Variants in PRELP observed in about 807,000 individuals in gnomAD.
PRELP encodes proline and arginine rich end leucine rich repeat protein.
In PRELP, 16 loss-of-function variants were observed where a neutral mutation model predicts 22.8. The ratio of observed to expected loss-of-function variants is 0.70; its 90% CI spans 0.47 to 1.06. The LOEUF (loss-of-function observed/expected upper bound fraction) is 1.06. Ranked by LOEUF, PRELP falls within the 50% of genes least tolerant of loss-of-function variation. The pLI is 0.00. For missense variants in PRELP, 434 were observed against 485.2 expected (o/e 0.89, Z 0.99); for synonymous variants, 233 against 211.4 (o/e 1.10, Z -0.89).
chr1:203,479,187 G>T (rs1660958292), intron 1 of PRELP, among the ~76,000 whole-genome samples: 1 of 152,086 alleles, frequency 6.6e-6, no homozygotes, highest in Non-Finnish European at 1.5e-5. Flanking sequence ...TAACCCTGCT[G>T]CTAGCCCTGC....
At chr1:203,486,057 T>A (rs538530255) in intron 2 of PRELP, among the ~76,000 whole-genome samples, 5 of 152,338 alleles carry the variant, frequency 3.3e-5, no homozygotes, top group Non-Finnish European at 5.9e-5. Flanking sequence ...ACCTACTGGC[T>A]TCAGATCTCA....
At position 203,490,362 on chromosome 1, in the gene PRELP, T is replaced by C. The variant is rs967271588; in HGVS notation, c.*3481T>C. On this transcript the variant is annotated 3_prime_UTR_variant, in exon 3 of 3. Transcript: ENST00000343110. ...GACTGCCCACCCACAGACAAAAAAA[T>C]ATATATATTCCTAAAGTCGGACCAG... 4 of 152,116 alleles carry C rather than the reference T, an allele frequency of 2.6e-5. No individual in the cohort carries two copies. The highest frequency in any genetic ancestry group is 1.9e-4 in the East Asian group (1 of 5,182). The allele number at this position is 152,116 out of a possible 1,614,324, so 9.4% of individuals were successfully genotyped here.
chr1:203,478,660 T>C (rs1660950157), intron 1 of PRELP, among the ~76,000 whole-genome samples: 1 of 152,074 alleles, frequency 6.6e-6, no homozygotes, highest in South Asian at 2.1e-4. Context: ...CAGAACAGGG[T>C]TCGCATCACT....
At chr1:203,477,584 C>T (rs1660932949) in intron 1 of PRELP, among the ~76,000 whole-genome samples, 3 of 152,104 alleles carry the variant, frequency 2.0e-5, no homozygotes. Context: ...CTTATAGGTC[C>T]CTGCTCCTCC....
rs1317110896 is a variant in PRELP, at chr1:203,490,601, T to C, written c.*3720T>C. 4 of 152,236 alleles carry C rather than the reference T, an allele frequency of 2.6e-5. No homozygotes were observed. The highest frequency in any genetic ancestry group is 9.6e-5 in the African/African-American group (4 of 41,464). The allele number at this position is 152,236 out of a possible 1,614,324, so 9.4% of individuals were successfully genotyped here. ...AGAGCCATCTCAAGGACAGAGAGCATAGACCAAGTCATCTGGAATGGTCTA... is the reference window on the plus strand; with the variant it reads ...AGAGCCATCTCAAGGACAGAGAGCACAGACCAAGTCATCTGGAATGGTCTA... On this transcript the variant is annotated 3_prime_UTR_variant, in exon 3 of 3. Coordinates refer to ENST00000343110, the MANE Select transcript of PRELP (RefSeq NM_002725.4).
intron 1 of PRELP, among the ~76,000 whole-genome samples, chr1:203,477,419 C>T (rs1031993451): frequency 6.6e-6 from 1 of 152,168 alleles, no homozygotes; most frequent in Non-Finnish European, 1.5e-5. Context: ...CTCCCTCTCT[C>T]CTCCTTGCAA....
chr1:203,479,744 G>T (rs1204810660), intron 1 of PRELP, among the ~76,000 whole-genome samples: 1 of 142,034 alleles, frequency 7.0e-6, no homozygotes, highest in Non-Finnish European at 1.5e-5. Context: ...AAATCAAGGA[G>T]TCTCTCTAGA....
Position 203,483,572 on chromosome 1 carries a change from T to A in PRELP, c.388T>A (p.Trp130Arg). The A allele has an allele frequency of 6.2e-7, 1 of 1,614,244 alleles. No homozygotes were observed. The highest frequency in any genetic ancestry group is 8.5e-7 in the Non-Finnish European group (1 of 1,180,048). Residue 130 changes from tryptophan (W) to arginine (R), a missense_variant, in exon 2 of 3, where the codon TGG becomes AGG. By Grantham distance (101) the Trp-to-Arg change is moderately radical. Transcript: ENST00000343110. The surrounding 1 kb of genome is among the most constrained non-coding windows in gnomAD (Gnocchi z 4.4). ...CTTCCAGAATGCCACAGGCCTGCGATGGATTAACCTGGACAACAACCGAAT... is the reference window on the plus strand; with the variant it reads ...CTTCCAGAATGCCACAGGCCTGCGAAGGATTAACCTGGACAACAACCGAAT... ...ESFQNATGLR[W>R]INLDNNRIRK...
rs769959270 is a variant in PRELP at position 203,484,137 on chromosome 1, TCAA to T, written c.960_962del (p.Asn321del). 3.9e-6 allele frequency: 3 copies of T among 768,734 alleles called. No homozygotes were observed. The highest frequency in any genetic ancestry group is 6.5e-6 in the Non-Finnish European group (3 of 462,602). The allele number at this position is 768,734 out of a possible 1,614,324, so 47.6% of individuals were successfully genotyped here. On this transcript the variant is annotated inframe_deletion, in exon 2 of 3. Coordinates refer to ENST00000343110, the MANE Select transcript of PRELP (RefSeq NM_002725.4). ...AACAACAGGCTGGAACACCTGTACC[TCAA>T]CAACAATAGCATCGAGAGTGAGTGG...
chr1:203,479,102 G>A (rs944500819), intron 1 of PRELP, among the ~76,000 whole-genome samples: 5 of 152,162 alleles, frequency 3.3e-5, no homozygotes, highest in Non-Finnish European at 5.9e-5. Flanking sequence ...TCTGGGTCAA[G>A]GCATGGAGGC....
Position 203,484,056 on chromosome 1 carries a change from C to T in PRELP, c.872C>T (p.Ser291Phe), listed in dbSNP as rs773952669. The change falls in exon 2 of 3, where the codon TCC becomes TTC. Residue 291 changes from serine to phenylalanine, a missense_variant. Coordinates refer to ENST00000343110, the MANE Select transcript of PRELP (RefSeq NM_002725.4). ...CTCCCCAAGAACTCCTTTAATATCT[C>T]CAACCTGCTTGTGCTCCACCTGTCC... is the stretch of plus-strand genomic sequence containing the variant. ...RGLPKNSFNI[S>F]NLLVLHLSHN... 1 of 1,614,166 alleles carries T rather than the reference C, an allele frequency of 6.2e-7. No homozygotes were observed. Among genetic ancestry groups the T allele is most frequent in the Non-Finnish European group, 8.5e-7 (1 of 1,180,040 alleles).
At chr1:203,482,497 C>T (rs1337513496) in intron 1 of PRELP, among the ~76,000 whole-genome samples, 1 of 150,934 alleles carries the variant, frequency 6.6e-6, no homozygotes, top group African/African-American at 2.4e-5. Context: ...AGGCTGATCT[C>T]GAACTCCTGA....
chr1:203,483,305 A>G lies in PRELP; in HGVS notation c.121A>G (p.Arg41Gly), dbSNP rs1182473076. 6.2e-7 allele frequency: 1 copy of G among 1,613,922 alleles called. No homozygotes were observed. Among genetic ancestry groups the G allele is most frequent in the Non-Finnish European group, 8.5e-7 (1 of 1,179,942 alleles). ...CGGGCGCAGACCCAGGCCCAGGCCC[A>G]GGCCCACACCCAGCTTTCCTCAGCC... ...GPGRRPRPRP[R>G]PTPSFPQPDE... is the part of the protein sequence containing the mutation. Residue 41 changes from arginine to glycine, a missense_variant, in exon 2 of 3, where the codon AGG (arginine) becomes GGG (glycine). Physicochemically the swap from Arg to Gly is moderately radical, Grantham distance 125. Transcript: ENST00000343110. This position sits in a 1 kb window ranked among gnomAD's most constrained non-coding sequence, Gnocchi z 4.4.
chr1:203,486,938 C>G lies in PRELP; in HGVS notation c.*57C>G. ...GCACTTGAAGGCTGGGGCCCAGGCA[C>G]CTGTGCCGGCCATTCGTTTTCTCTC... On this transcript the variant is annotated 3_prime_UTR_variant, in exon 3 of 3. Transcript: ENST00000343110. 1 of 1,483,566 alleles carries G rather than the reference C, an allele frequency of 6.7e-7. No homozygotes were observed. Among genetic ancestry groups the G allele is most frequent in the Non-Finnish European group, 9.1e-7 (1 of 1,097,692 alleles). The allele number at this position is 1,483,566 out of a possible 1,614,324, so 91.9% of individuals were successfully genotyped here. A position where few individuals can be genotyped will look rare whatever the true frequency, so the allele number is the denominator to read the frequency against.
chr1:203,480,208 T>G (rs1194524322), intron 1 of PRELP, among the ~76,000 whole-genome samples: 1 of 152,216 alleles, frequency 6.6e-6, no homozygotes, highest in Non-Finnish European at 1.5e-5. Flanking sequence ...TTTCCAGAAC[T>G]GATGGTGGAG....
In PRELP at chr1:203,488,410, A is replaced by T. The variant is rs1178951716; in HGVS notation, c.*1529A>T. ...GTGGCGCGCGCCTATAATCCCAGCTACTGGGAGGCTGAGGCGGGAGAATCG... is the reference window on the plus strand; with the variant it reads ...GTGGCGCGCGCCTATAATCCCAGCTTCTGGGAGGCTGAGGCGGGAGAATCG... On this transcript the variant is annotated 3_prime_UTR_variant, in exon 3 of 3. Transcript: ENST00000343110. 6.6e-6 allele frequency: 1 copy of T among 152,124 alleles called. No individual in the cohort carries two copies. The highest frequency in any genetic ancestry group is 1.5e-5 in the Non-Finnish European group (1 of 68,020). The allele number at this position is 152,124 out of a possible 1,614,324, so 9.4% of individuals were successfully genotyped here. A position where few individuals can be genotyped will look rare whatever the true frequency, so the allele number is the denominator to read the frequency against.
At chr1:203,478,192 T>G (rs761975385) in intron 1 of PRELP, among the ~76,000 whole-genome samples, 6 of 152,210 alleles carry the variant, frequency 3.9e-5, no homozygotes, top group Non-Finnish European at 7.3e-5. Flanking sequence ...GAAAAGCAAT[T>G]GCTTTGCCTA....
intron 1 of PRELP, among the ~76,000 whole-genome samples, chr1:203,481,639 T>TGCCTTCCTTCCCTTCC (rs1315467833): frequency 6.6e-6 from 1 of 152,200 alleles, no homozygotes; most frequent in Non-Finnish European, 1.5e-5. Flanking sequence ...AGACAGTCTC[T>TGCCTTCCTTCCCTTCC]GCCTTCCTTC....
intron 1 of PRELP, among the ~76,000 whole-genome samples, chr1:203,482,770 T>C (rs562833978): frequency 8.6e-4 from 130 of 151,910 alleles, no homozygotes; most frequent in African/African-American, 2.5e-3. Context: ...GCTAATTTTT[T>C]GTATTTTTAG....
Sources: gnomAD v4.1 joint callset for allele counts (sites outside exome capture counted in the v4.1 genomes callset) on GRCh38, gnomAD v4.1.1 for gene constraint, Gnocchi (gnomAD v3.1) non-coding constraint, MANE v1.5 for transcripts, NCBI Gene and HGNC (gene_info 2026-07-23, HGNC 2026-07-21) for gene names.